The following PHACTR2 variants were observed in gnomAD, a reference collection of about 807,000 sequenced individuals.
PHACTR2 encodes the protein phosphatase and actin regulator 2.
PHACTR2 carries 30 observed loss-of-function variants against 76.0 expected under a neutral mutation model. The observed-to-expected ratio is 0.39, with a 90% CI of 0.30 to 0.54. The LOEUF (loss-of-function observed/expected upper bound fraction) is 0.54, where lower values mean the gene tolerates loss of function less well. Ranked by LOEUF, PHACTR2 falls within the 20% of genes least tolerant of loss-of-function variation. PHACTR2 has a pLI of 0.61. For missense variants in PHACTR2, 696 were observed against 781.1 expected (o/e 0.89, Z 1.30); for synonymous variants, 292 against 292.5 (o/e 1.00, Z 0.02).
rs544106586 is a variant in PHACTR2 at position 143,695,469 on chromosome 6, G to A, written c.47-16547G>A. Among the ~76,000 whole-genome samples, 18 of 152,288 alleles carry A rather than the reference G, an allele frequency of 1.2e-4. No individual in the cohort carries two copies. The East Asian group carries it at 2.5e-3, about 21-fold the overall frequency. ...CAATACCCTAAGGCATAAAAATGGC[G>A]TCTTACTATAGACAGTGGAAATAAC... On this transcript the variant is annotated intron_variant, in intron 1 of 12. Transcript: ENST00000440869. The surrounding 1 kb of genome is among the most constrained non-coding windows in gnomAD (Gnocchi z 4.4).
At position 143,663,225 on chromosome 6, in the gene PHACTR2, C is replaced by A. The variant is rs867657853; in HGVS notation, c.14-48791C>A. 2.0e-5 allele frequency among the ~76,000 whole-genome samples: 3 copies of A among 152,102 alleles called. No homozygotes were observed. Among genetic ancestry groups the A allele is most frequent in the African/African-American group, 4.8e-5 (2 of 41,424 alleles). On this transcript the variant is annotated intron_variant, in intron 1 of 11. Transcript: ENST00000305766. This position sits in a 1 kb window ranked among gnomAD's most constrained non-coding sequence, Gnocchi z 4.1. The stretch of plus-strand genomic sequence containing the variant: ...TGATCTATTTCCCTTTGAGTATATA[C>A]CCAGTAATGATATTTTTGGGTCACA...
At chr6:143,766,580 A>G (rs1179322090) in intron 6 of PHACTR2, among the ~76,000 whole-genome samples, 3 of 152,254 alleles carry the variant, frequency 2.0e-5, no homozygotes. Flanking sequence ...AGTATAATGG[A>G]AGATAAAAGA....
intron 1 of PHACTR2, among the ~76,000 whole-genome samples, chr6:143,682,027 A>G (rs1777399596): frequency 6.6e-6 from 1 of 152,172 alleles, no homozygotes; most frequent in Non-Finnish European, 1.5e-5. Flanking sequence ...TTGTTCCTTT[A>G]AAAGTTTCTA....
In PHACTR2 at chr6:143,662,402, T is replaced by C. The variant is rs1776961659; in HGVS notation, c.14-49614T>C. On this transcript the variant is annotated intron_variant, in intron 1 of 11. Coordinates refer to the PHACTR2 transcript ENST00000305766. This position sits in a 1 kb window ranked among gnomAD's most constrained non-coding sequence, Gnocchi z 4.7. ...AAATATAAGAAACTACTTATTTTGT[T>C]TGTTATTCCCTTAAGATGTCGTTTG... Among the ~76,000 whole-genome samples, 1 of 152,200 alleles carries C rather than the reference T, an allele frequency of 6.6e-6. No individual in the cohort carries two copies. The highest frequency in any genetic ancestry group is 1.5e-5 in the Non-Finnish European group (1 of 68,036).
At position 143,641,870 on chromosome 6, in the gene PHACTR2, T is replaced by C. The variant is rs542859901; in HGVS notation, c.13+33548T>C. On this transcript the variant is annotated intron_variant, in intron 1 of 11. Coordinates refer to the PHACTR2 transcript ENST00000305766. The surrounding 1 kb of genome is among the most constrained non-coding windows in gnomAD (Gnocchi z 5.8). ...TGTCATGACAGCCACAAGAAGCAAA[T>C]ACAAGCAGCTGAGATGAAATGGAGT... Among the ~76,000 whole-genome samples, 1 of 152,246 alleles carries C rather than the reference T, an allele frequency of 6.6e-6. No individual in the cohort carries two copies. Among genetic ancestry groups the C allele is most frequent in the East Asian group, 1.9e-4 (1 of 5,180 alleles).
Position 143,696,085 on chromosome 6 carries a change from A to G in PHACTR2, c.47-15931A>G, listed in dbSNP as rs1003237766. On this transcript the variant is annotated intron_variant, in intron 1 of 12. Transcript: ENST00000440869. The surrounding 1 kb of genome is among the most constrained non-coding windows in gnomAD (Gnocchi z 4.1). Reference sequence around the variant, plus strand: ...CAAGCATAAAAATAAAAAATTCGCAATTTCCCAGCTGGTAGGAAATAGAGC... The same window carrying G: ...CAAGCATAAAAATAAAAAATTCGCAGTTTCCCAGCTGGTAGGAAATAGAGC... 5.9e-5 allele frequency among the ~76,000 whole-genome samples: 9 copies of G among 152,208 alleles called. No individual in the cohort carries two copies. The highest frequency in any genetic ancestry group is 5.2e-4 in the Admixed American group (8 of 15,284).
At position 143,829,389 on chromosome 6, in the gene PHACTR2, A is replaced by G. The variant is rs1776614022; in HGVS notation, c.*5700A>G. 6.6e-6 allele frequency: 1 copy of G among 152,144 alleles called. No individual in the cohort carries two copies. The allele number at this position is 152,144 out of a possible 1,614,324, so 9.4% of individuals were successfully genotyped here. Reference sequence around the variant, plus strand: ...GTTATGCTGCATCCCATAAGTTCCAAATGAATCACCTGCTTATCCTATTAA... The same window carrying G: ...GTTATGCTGCATCCCATAAGTTCCAGATGAATCACCTGCTTATCCTATTAA... On this transcript the variant is annotated 3_prime_UTR_variant, in exon 13 of 13. Transcript: ENST00000440869.
chr6:143,628,947 A>AC, intron 1 of PHACTR2, among the ~76,000 whole-genome samples: 1 of 47,746 alleles, frequency 2.1e-5, no homozygotes, highest in Non-Finnish European at 5.4e-5. Context: ...ATATATATAT[A>AC]TATATATATA....
At chr6:143,815,554 A>G (rs2128485818) in intron 12 of PHACTR2, among the ~76,000 whole-genome samples, 1 of 152,306 alleles carries the variant, frequency 6.6e-6, no homozygotes, top group East Asian at 1.9e-4. Flanking sequence ...AGAAAGTAAT[A>G]TTTTACCTTT....
At chr6:143,676,555 T>G (rs920897341), upstream of PHACTR2, among the ~76,000 whole-genome samples, 1 of 152,214 alleles carries the variant, frequency 6.6e-6, no homozygotes, top group Non-Finnish European at 1.5e-5. The surrounding 1 kb of genome is among the most constrained non-coding windows in gnomAD (Gnocchi z 4.8). Context: ...TTTGTTTGTT[T>G]TTTTCTTACG....
Position 143,580,942 on chromosome 6 carries a change from G to T in PHACTR2, c.217+43735G>T, listed in dbSNP as rs11961908. 0.3 allele frequency among the ~76,000 whole-genome samples: 45,119 copies of T among 152,022 alleles called. 6,772 individuals are homozygous for T. The highest frequency in any genetic ancestry group is 0.42 in the Middle Eastern group (123 of 294). The stretch of plus-strand genomic sequence containing the variant: ...AGTGACACCAGGTGTTGAAATTACA[G>T]AAGGGACCATTTCTGGCAACACAGC... On this transcript the variant is annotated intron_variant, in intron 1 of 11. Transcript: ENST00000367584. The surrounding 1 kb of genome is among the most constrained non-coding windows in gnomAD (Gnocchi z 4.2).
chr6:143,814,544 A>G (rs1468618084), intron 12 of PHACTR2, among the ~76,000 whole-genome samples: 1 of 145,548 alleles, frequency 6.9e-6, no homozygotes, highest in African/African-American at 2.5e-5. Flanking sequence ...GTTCAAACCC[A>G]TGTTATTCAG....
chr6:143,806,948 CTCTA>C lies in PHACTR2; in HGVS notation c.1846-105_1846-102del. On this transcript the variant is annotated intron_variant, in intron 11 of 12. Transcript: ENST00000440869. This position sits in a 1 kb window ranked among gnomAD's most constrained non-coding sequence, Gnocchi z 5.8. ...CTCCAGCTTGGATGACAGAGCGAGA[CTCTA>C]TCTCTTAAAAAAAAAAAAAAGGTCT... The C allele has an allele frequency of 1.7e-6, 1 of 584,908 alleles. No individual in the cohort carries two copies. The highest frequency in any genetic ancestry group is 2.3e-5 in the South Asian group (1 of 43,772). 36.2% of individuals were successfully genotyped at this position (584,908 alleles called of 1,614,324 possible).
chr6:143,760,700 G>T lies in PHACTR2; in HGVS notation c.694+60G>T. On this transcript the variant is annotated intron_variant, in intron 5 of 12. Transcript: ENST00000440869. The surrounding 1 kb of genome is among the most constrained non-coding windows in gnomAD (Gnocchi z 6.4). ...CTAGGGTGCTTGGCTCTGGGATGGG[G>T]CTAATTGTTTCTTCTAGGTGTGATG... is the stretch of plus-strand genomic sequence containing the variant. 6.4e-7 allele frequency: 1 copy of T among 1,570,070 alleles called. No homozygotes were observed. Among genetic ancestry groups the T allele is most frequent in the Non-Finnish European group, 8.6e-7 (1 of 1,157,696 alleles).
At position 143,823,681 on chromosome 6, in the gene PHACTR2, C is replaced by T. The variant is rs1297357340; in HGVS notation, c.1930C>T (p.Arg644Cys). 5.0e-6 allele frequency: 8 copies of T among 1,611,374 alleles called. No individual in the cohort carries two copies. Among genetic ancestry groups the T allele is most frequent in the African/African-American group, 1.3e-5 (1 of 74,982 alleles). ...TTCTATTTCTTACTCCAGGTTTCAT[C>T]GTCCATAACGAAGAGTGAGACTATT... ...EESRQFTRFH[R>C]P is the part of the protein sequence containing the mutation. Residue 644 changes from arginine to cysteine, a missense_variant, in exon 13 of 13, where the codon CGT (arginine) becomes TGT (cysteine). Arg to Cys is a radical substitution (Grantham distance 180). This residue lies in a region of PHACTR2 where 236 missense variants were observed against 330.2 expected (regional missense o/e 0.71). Coordinates refer to ENST00000440869, the MANE Select transcript of PHACTR2 (RefSeq NM_001100164.2). This position sits in a 1 kb window ranked among gnomAD's most constrained non-coding sequence, Gnocchi z 5.7.
rs960115440 is a variant in PHACTR2, at chr6:143,583,605, G to A, written c.217+46398G>A. Among the ~76,000 whole-genome samples the A allele has an allele frequency of 4.6e-5, 7 of 152,250 alleles. No homozygotes were observed. Among genetic ancestry groups the A allele is most frequent in the Non-Finnish European group, 1.0e-4 (7 of 68,050 alleles). On this transcript the variant is annotated intron_variant, in intron 1 of 11. Coordinates refer to the PHACTR2 transcript ENST00000367584. This position sits in a 1 kb window ranked among gnomAD's most constrained non-coding sequence, Gnocchi z 4.0. The stretch of plus-strand genomic sequence containing the variant: ...GGCAGTGTGTTAGTATGGAGAGAGC[G>A]AGGGCTAAAGTAGAGACTGTAGATA...
In PHACTR2 at chr6:143,652,324, T is replaced by C. The variant is rs1337694507; in HGVS notation, c.13+44002T>C. Among the ~76,000 whole-genome samples, 2 of 152,220 alleles carry C rather than the reference T, an allele frequency of 1.3e-5. No homozygotes were observed. Among genetic ancestry groups the C allele is most frequent in the Non-Finnish European group, 2.9e-5 (2 of 68,046 alleles). On this transcript the variant is annotated intron_variant, in intron 1 of 11. Coordinates refer to the PHACTR2 transcript ENST00000305766. This position sits in a 1 kb window ranked among gnomAD's most constrained non-coding sequence, Gnocchi z 4.5. Reference sequence around the variant, plus strand: ...AGTGTACAATCCCCAATAAAATATTTTGAAGTTTTTCCAAAGAAAAGAAAC... The same window carrying C: ...AGTGTACAATCCCCAATAAAATATTCTGAAGTTTTTCCAAAGAAAAGAAAC...
rs190212593 is a variant in PHACTR2 at position 143,788,846 on chromosome 6, C to G, written c.1781C>G (p.Thr594Arg). The change falls in exon 11 of 13, where the codon ACG (threonine) becomes AGG (arginine). Residue 594 changes from threonine to arginine, a missense_variant. Coordinates refer to ENST00000440869, the MANE Select transcript of PHACTR2 (RefSeq NM_001100164.2). ...CGATTTAACGAGTATGTAGAAGTCA[C>G]GGATTCTCCTGACTATGACCGCCGA... is the stretch of plus-strand genomic sequence containing the variant. The part of the protein sequence containing the change: ...ILRFNEYVEV[T>R]DSPDYDRRAD... The G allele has an allele frequency of 5.0e-6, 8 of 1,613,522 alleles. No homozygotes were observed. The highest frequency in any genetic ancestry group is 1.7e-4 in the Middle Eastern group (1 of 6,058).
In PHACTR2 at chr6:143,731,703, G is replaced by C. The variant is rs1778704477; in HGVS notation, c.215-17282G>C. On this transcript the variant is annotated intron_variant, in intron 2 of 12. Transcript: ENST00000440869. The surrounding 1 kb of genome is among the most constrained non-coding windows in gnomAD (Gnocchi z 4.9). ...AGTGTTCTTGCACTATCTTTGTCTA[G>C]GTTTGATATCAGGGCAACACCAACT... 6.6e-6 allele frequency among the ~76,000 whole-genome samples: 1 copy of C among 152,152 alleles called. No homozygotes were observed. Among genetic ancestry groups the C allele is most frequent in the African/African-American group, 2.4e-5 (1 of 41,436 alleles).
Sources: allele counts gnomAD v4.1 joint callset (sites outside exome capture counted in the v4.1 genomes callset), GRCh38; gene constraint gnomAD v4.1.1; regional missense constraint gnomAD v4.1.1; non-coding constraint Gnocchi (gnomAD v3.1); transcripts MANE v1.5; gene names NCBI Gene and HGNC (gene_info 2026-07-23, HGNC 2026-07-21).